ATRNL1: variants seen among roughly 807,000 people sequenced by gnomAD.
ATRNL1 encodes the protein attractin like 1, also known as attractin-like protein 1.
In ATRNL1, 95 loss-of-function variants were observed where a neutral mutation model predicts 182.7. That is an observed-to-expected ratio of 0.52 (90% CI 0.44 to 0.62). ATRNL1 has a LOEUF of 0.62. ATRNL1 is among the 20% of genes least tolerant of loss of function. The pLI is 0.00. For synonymous variants in ATRNL1, 576 were observed against 568.3 expected (o/e 1.01, Z -0.19); for missense variants, 1,471 against 1,679.5 (o/e 0.88, Z 2.17).
intron 8 of ATRNL1, among the ~76,000 whole-genome samples, chr10:115,173,832 T>G (rs1344038030): frequency 6.6e-6 from 1 of 151,150 alleles, no homozygotes; most frequent in Non-Finnish European, 1.5e-5. Flanking sequence ...TATTGTTTAG[T>G]GTTTTAGAAT....
chr10:115,200,369 C>G (rs1259114841), intron 8 of ATRNL1, among the ~76,000 whole-genome samples: 1 of 99,330 alleles, frequency 1.0e-5, no homozygotes, highest in East Asian at 3.8e-4. Context: ...TAATGCTATC[C>G]CTCCCCCCTC....
intron 9 of ATRNL1, among the ~76,000 whole-genome samples, chr10:115,227,756 G>A (rs1337148661): frequency 6.6e-6 from 1 of 152,118 alleles, no homozygotes; most frequent in African/African-American, 2.4e-5. Flanking sequence ...GTGAAATCTT[G>A]TCTTTTGCAG....
chr10:115,693,082 GATATGTTT>G lies in ATRNL1; in HGVS notation c.3796-34151_3796-34144del, dbSNP rs1472661212. On this transcript the variant is annotated intron_variant, in intron 26 of 28. Transcript: ENST00000355044. ...GGAAAATTCTTCCCTCAATTAATTA[GATATGTTT>G]ATATGTTTATATGTAACAGAATAAA... 1.3e-3 allele frequency among the ~76,000 whole-genome samples: 193 copies of G among 152,154 alleles called. 1 individual carries two copies. Among genetic ancestry groups the G allele is most frequent in the East Asian group, 1.7e-3 (9 of 5,182 alleles).
chr10:115,893,847 T>C (rs1330251596), intron 28 of ATRNL1, among the ~76,000 whole-genome samples: 2 of 152,080 alleles, frequency 1.3e-5, no homozygotes, highest in Non-Finnish European at 2.9e-5. Context: ...TTGGTGTGGA[T>C]ATAGTGTGAA....
At chr10:115,184,420 A>G (rs941750144) in intron 8 of ATRNL1, among the ~76,000 whole-genome samples, 7 of 151,386 alleles carry the variant, frequency 4.6e-5, no homozygotes, top group Non-Finnish European at 1.0e-4. Flanking sequence ...ACAACTATGT[A>G]TAACTATATA....
intron 5 of ATRNL1, among the ~76,000 whole-genome samples, chr10:115,136,269 T>C (rs908175088): frequency 6.6e-6 from 1 of 152,072 alleles, no homozygotes; most frequent in Non-Finnish European, 1.5e-5. Context: ...TCTGCTTCTA[T>C]GACAGTAAAA....
chr10:115,781,175 A>C (rs946806864), intron 27 of ATRNL1, among the ~76,000 whole-genome samples: 2 of 152,220 alleles, frequency 1.3e-5, no homozygotes, highest in African/African-American at 2.4e-5. Flanking sequence ...TATCCACAAG[A>C]AAGGCTAAAA....
chr10:115,913,880 G>A (rs1555116544), intron 28 of ATRNL1, among the ~76,000 whole-genome samples: 1 of 152,128 alleles, frequency 6.6e-6, no homozygotes, highest in Non-Finnish European at 1.5e-5. Context: ...AATTGAACAT[G>A]TGGTTAGCAT....
At position 115,230,278 on chromosome 10, in the gene ATRNL1, G is replaced by A. The variant is rs541919059; in HGVS notation, c.1533-11293G>A. Among the ~76,000 whole-genome samples the A allele has an allele frequency of 8.5e-5, 13 of 152,268 alleles. No individual in the cohort carries two copies. In the South Asian group the frequency reaches 2.1e-3, roughly 24 times the overall value. ...TGCTATGAAGAGAAAAGAAAGCATG[G>A]AAGGAAGATAGAGAGTTTCAGATTG... On this transcript the variant is annotated intron_variant, in intron 9 of 28. Transcript: ENST00000355044.
intron 15 of ATRNL1, among the ~76,000 whole-genome samples, chr10:115,297,351 A>G (rs1592399987): frequency 6.6e-6 from 1 of 152,114 alleles, no homozygotes; most frequent in East Asian, 1.9e-4. Flanking sequence ...AAAATAAGGG[A>G]CAATTACCGT....
intron 1 of ATRNL1, 124 bp from the exon 2 acceptor site, chr10:115,120,061 C>A: frequency 5.2e-6 from 3 of 574,698 alleles, no homozygotes; most frequent in South Asian, 2.3e-5. Context: ...TAAATAAATC[C>A]TCCTTTTTGA....
chr10:115,094,165 A>C, intron 1 of ATRNL1, 122 bp downstream of exon 1: 2 of 1,009,344 alleles, frequency 2.0e-6, no homozygotes, highest in South Asian at 3.8e-5. Context: ...CCGTGAGTGA[A>C]CCTCAGCGCG....
chr10:115,182,553 A>G (rs1847788610), intron 8 of ATRNL1, among the ~76,000 whole-genome samples: 2 of 151,588 alleles, frequency 1.3e-5, no homozygotes, highest in African/African-American at 2.4e-5. Context: ...GTTTATTAAA[A>G]GAAAACATTT....
intron 6 of ATRNL1, among the ~76,000 whole-genome samples, chr10:115,162,914 T>C (rs1187575557): frequency 6.6e-6 from 1 of 151,786 alleles, no homozygotes; most frequent in Non-Finnish European, 1.5e-5. Flanking sequence ...AAATGAAGAC[T>C]GAAAACTGGT....
chr10:115,676,987 C>CT (rs1415551391), intron 26 of ATRNL1, among the ~76,000 whole-genome samples: 34 of 152,234 alleles, frequency 2.2e-4, no homozygotes, highest in African/African-American at 7.7e-4. Context: ...ATACATACCT[C>CT]TTATTTACAG....
At chr10:115,728,015 C>G (rs1947654374) in intron 27 of ATRNL1, among the ~76,000 whole-genome samples, 1 of 150,614 alleles carries the variant, frequency 6.6e-6, no homozygotes, top group African/African-American at 2.4e-5. Context: ...GTGGCTCACA[C>G]CTGCAATCCC....
chr10:115,368,968 C>A, intron 19 of ATRNL1, among the ~76,000 whole-genome samples: 1 of 152,022 alleles, frequency 6.6e-6, no homozygotes, highest in East Asian at 1.9e-4. Flanking sequence ...CCTGCCTTGG[C>A]CTCCCAAAGT....
intron 5 of ATRNL1, among the ~76,000 whole-genome samples, chr10:115,133,477 C>G (rs1421654448): frequency 6.6e-6 from 1 of 152,064 alleles, no homozygotes; most frequent in Non-Finnish European, 1.5e-5. Flanking sequence ...GTAAAGGGAT[C>G]AATTGAACAA....
intron 28 of ATRNL1, among the ~76,000 whole-genome samples, chr10:115,866,209 T>C (rs1951436690): frequency 6.6e-6 from 1 of 152,204 alleles, no homozygotes. Context: ...TAAGAAGCTC[T>C]TTCCCATTAA....
Sources: allele counts gnomAD v4.1 joint callset (sites outside exome capture counted in the v4.1 genomes callset), GRCh38; gene constraint gnomAD v4.1.1; transcripts MANE v1.5; gene names NCBI Gene and HGNC (gene_info 2026-07-23, HGNC 2026-07-21).